ANKMY1: variants seen among roughly 807,000 people sequenced by gnomAD.
ANKMY1 encodes ankyrin repeat and MYND domain-containing protein 1.
A neutral mutation model predicts 102.0 loss-of-function variants in ANKMY1; 98 were observed. That is an observed-to-expected ratio of 0.96 (90% confidence interval 0.82 to 1.14). ANKMY1 has a LOEUF of 1.14. Among genes scored for constraint, ANKMY1 ranks in the 50% most tolerant of loss-of-function variants. The pLI is 0.00. For synonymous variants in ANKMY1, 582 were observed against 559.9 expected (o/e 1.04, Z -0.56); for missense variants, 1,330 against 1,347.6 (o/e 0.99, Z 0.20).
At position 240,510,251 on chromosome 2, in the gene ANKMY1, C is replaced by T. The variant is rs369527535; in HGVS notation, c.2287-796G>A. On this transcript the variant is annotated intron_variant, in intron 11 of 17. Transcript: ENST00000401804. ...CCCTGCCCTCCTCCCTACATCCTTG[C>T]CCTTCCTGCCTCCCTGCCTCCTGCC... is the stretch of plus-strand genomic sequence containing the variant. 4.7e-4 allele frequency among the ~76,000 whole-genome samples: 65 copies of T among 139,472 alleles called. 1 individual carries two copies. The highest frequency in any genetic ancestry group is 1.7e-3 in the African/African-American group (64 of 37,292). The allele number at this position is 139,472 out of a possible 152,430, so 91.5% of individuals were successfully genotyped here. A position where few individuals can be genotyped will look rare whatever the true frequency, so the allele number is the denominator to read the frequency against.
chr2:240,547,021 C>G (rs1321988669), intron 4 of ANKMY1, among the ~76,000 whole-genome samples: 23 of 152,152 alleles, frequency 1.5e-4, no homozygotes, highest in Non-Finnish European at 7.4e-5. Flanking sequence ...CTAATAGACA[C>G]CTACAGAACT....
At chr2:240,479,017 C>T (rs1449469232), downstream of ANKMY1, among the ~76,000 whole-genome samples, 1 of 152,234 alleles carries the variant, frequency 6.6e-6, no homozygotes, top group Non-Finnish European at 1.5e-5. Context: ...TGCTCCCTGT[C>T]ATGTGCTCCA....
chr2:240,527,989 T>C (rs1268571252), intron 5 of ANKMY1: 1 of 152,226 alleles, frequency 6.6e-6, no homozygotes, highest in Non-Finnish European at 1.5e-5. Context: ...ATTTTAACTT[T>C]TAAAAATTAA....
At chr2:240,480,085 G>A (rs1461129333) in intron 17 of ANKMY1, among the ~76,000 whole-genome samples, 1 of 152,140 alleles carries the variant, frequency 6.6e-6, no homozygotes, top group Non-Finnish European at 1.5e-5. Context: ...CCAGCTACTC[G>A]GGAGGCTGAG....
intron 4 of ANKMY1, among the ~76,000 whole-genome samples, chr2:240,535,352 T>TG (rs989666395): frequency 2.0e-5 from 3 of 152,212 alleles, no homozygotes; most frequent in African/African-American, 7.2e-5. Context: ...CCAGTTTACT[T>TG]GGGATCAATG....
chr2:240,485,540 G>C (rs1272376516), intron 15 of ANKMY1, among the ~76,000 whole-genome samples: 4 of 151,654 alleles, frequency 2.6e-5, no homozygotes, highest in African/African-American at 9.7e-5. Context: ...TATATTTCGA[G>C]TTCTTTCCTT....
Position 240,525,679 on chromosome 2 carries a change from G to T in ANKMY1, c.1335+6C>A, listed in dbSNP as rs532546618. ...TTGGTGGTGCAGTGGCCACCGGGGG[G>T]CTTACCTGGGGCTCAGGTATGGTCC... On this transcript the variant is annotated splice_donor_region_variant and intron_variant, in intron 7 of 17. Coordinates refer to ENST00000401804, the MANE Select transcript of ANKMY1 (RefSeq NM_001282771.3). 4 of 1,613,518 alleles carry T rather than the reference G, an allele frequency of 2.5e-6. No homozygotes were observed. The highest frequency in any genetic ancestry group is 2.5e-6 in the Non-Finnish European group (3 of 1,179,694).
chr2:240,529,121 G>A lies in ANKMY1; in HGVS notation c.869C>T (p.Pro290Leu), dbSNP rs368555862. 94 of 1,614,086 alleles carry A rather than the reference G, an allele frequency of 5.8e-5. No individual in the cohort carries two copies. Among genetic ancestry groups the A allele is most frequent in the East Asian group, 2.4e-4 (11 of 44,900 alleles). Residue 290 changes from proline (P) to leucine (L), a missense_variant, in exon 5 of 18, where the codon CCG (proline) becomes CTG (leucine). Pro to Leu is a moderately conservative substitution (Grantham distance 98). Coordinates refer to ENST00000401804, the MANE Select transcript of ANKMY1 (RefSeq NM_001282771.3). The surrounding 1 kb of genome is among the most constrained non-coding windows in gnomAD (Gnocchi z 4.2). ...DARIFLNEIP[P>L]FVEDGEPWFI... ...CCATGGTTCTCCATCCTCAACGAACGGAGGAATTTCATTGAGGAAGATGCG... is the reference window on the plus strand; with the variant it reads ...CCATGGTTCTCCATCCTCAACGAACAGAGGAATTTCATTGAGGAAGATGCG...
intron 15 of ANKMY1, among the ~76,000 whole-genome samples, chr2:240,494,345 C>G (rs1169630761): frequency 2.6e-5 from 4 of 152,168 alleles, no homozygotes; most frequent in Non-Finnish European, 5.9e-5. Flanking sequence ...GGTCTCACCC[C>G]TGCCACCCTG....
intron 15 of ANKMY1, among the ~76,000 whole-genome samples, chr2:240,488,401 T>C (rs1269731911): frequency 1.3e-5 from 2 of 152,196 alleles, no homozygotes; most frequent in Admixed American, 1.3e-4. Context: ...ATCCAGGTAA[T>C]GTGATGTCTC....
intron 8 of ANKMY1, among the ~76,000 whole-genome samples, chr2:240,521,501 T>C (rs1488738762): frequency 7.4e-6 from 1 of 135,270 alleles, no homozygotes; most frequent in Admixed American, 7.3e-5. Flanking sequence ...CTTTTTTTTT[T>C]TTTTTTTTTT....
chr2:240,511,385 C>T (rs1254506603), intron 11 of ANKMY1, among the ~76,000 whole-genome samples: 1 of 152,260 alleles, frequency 6.6e-6, no homozygotes, highest in African/African-American at 2.4e-5. Context: ...CCCGCATCCA[C>T]CCCAGCCGCT....
intron 2 of ANKMY1, among the ~76,000 whole-genome samples, chr2:240,556,424 GC>G (rs1320709865): frequency 6.6e-6 from 1 of 152,194 alleles, no homozygotes; most frequent in Non-Finnish European, 1.5e-5. Context: ...TCCTAGCTAA[GC>G]CCGCTCCCAC....
intron 4 of ANKMY1, among the ~76,000 whole-genome samples, chr2:240,535,501 G>A (rs539431703): frequency 2.6e-5 from 4 of 152,306 alleles, no homozygotes; most frequent in African/African-American, 9.6e-5. Flanking sequence ...AGAAAGGAAG[G>A]AAAACAAAGG....
intron 2 of ANKMY1, among the ~76,000 whole-genome samples, chr2:240,555,839 G>A (rs1369198789): frequency 6.6e-6 from 1 of 151,794 alleles, no homozygotes; most frequent in African/African-American, 2.4e-5. Flanking sequence ...GACCAACACA[G>A]GTGGATGGGG....
rs916588349 is a variant in ANKMY1, at chr2:240,539,873, T to C, written c.481-10364A>G. ...ACCGGAAAAACTGTGTGCTTAGCCA[T>C]AGCAGGAAGGGAAGTCAGACATACC... On this transcript the variant is annotated intron_variant, in intron 4 of 17. Transcript: ENST00000401804. Among the ~76,000 whole-genome samples the C allele has an allele frequency of 5.3e-5, 8 of 152,300 alleles. No homozygotes were observed. The East Asian group carries it at 1.4e-3, about 26-fold the overall frequency.
At chr2:240,475,845 G>C (rs574362710), downstream of ANKMY1, among the ~76,000 whole-genome samples, 6 of 151,982 alleles carry the variant, frequency 3.9e-5, no homozygotes, top group Non-Finnish European at 8.8e-5. Context: ...ATATTGATGA[G>C]AGAAATTAAG....
intron 5 of ANKMY1, chr2:240,527,079 A>G (rs1187677090): frequency 6.5e-5 from 57 of 877,102 alleles, no homozygotes; most frequent in Non-Finnish European, 7.4e-5. Context: ...TTGATGGATG[A>G]ATGGATGGGT....
At position 240,554,851 on chromosome 2, in the gene ANKMY1, T is replaced by G. The variant is rs979373404; in HGVS notation, c.336+15A>C. 1.2e-6 allele frequency: 2 copies of G among 1,613,716 alleles called. No individual in the cohort carries two copies. Among genetic ancestry groups the G allele is most frequent in the Non-Finnish European group, 8.5e-7 (1 of 1,179,724 alleles). ...GCCCTAGGGGAGGAGGCGGAGAAAGTGTGGAAGCAGTTACCTCGCCTGTGG... is the reference window on the plus strand; with the variant it reads ...GCCCTAGGGGAGGAGGCGGAGAAAGGGTGGAAGCAGTTACCTCGCCTGTGG... On this transcript the variant is annotated intron_variant, in intron 3 of 17. Coordinates refer to ENST00000401804, the MANE Select transcript of ANKMY1 (RefSeq NM_001282771.3).
Sources: allele counts gnomAD v4.1 joint callset (sites outside exome capture counted in the v4.1 genomes callset), GRCh38; gene constraint gnomAD v4.1.1; non-coding constraint Gnocchi (gnomAD v3.1); transcripts MANE v1.5; gene names NCBI Gene and HGNC (gene_info 2026-07-23, HGNC 2026-07-21).